The following LRRC37A2 variants were observed in gnomAD, a reference collection of about 807,000 sequenced individuals.
LRRC37A2 encodes leucine-rich repeat-containing protein 37A2.
A neutral mutation model predicts 68.8 loss-of-function variants in LRRC37A2; 9 were observed. That is an observed-to-expected ratio of 0.13 (90% CI 0.08 to 0.23). The LOEUF is 0.23. LRRC37A2 is among the 10% of genes least tolerant of loss of function. The pLI is 1.00. For synonymous variants in LRRC37A2, 63 were observed against 367.6 expected (o/e 0.17, Z 9.48); for missense variants, 168 against 950.4 (o/e 0.18, Z 10.82).
At chr17:46,869,411 C>T in the LRRC37A2 span, among the ~76,000 whole-genome samples, 2 of 152,208 alleles carry the variant, frequency 1.3e-5, no homozygotes, top group Admixed American at 6.5e-5. Flanking sequence ...CTGGGCATCG[C>T]GGACATTGTG....
the LRRC37A2 span, among the ~76,000 whole-genome samples, chr17:46,448,344 G>A: frequency 1.1e-5 from 1 of 89,404 alleles, no homozygotes; most frequent in African/African-American, 4.5e-5. Flanking sequence ...AGAGCAGGGT[G>A]TGTGCTCCCC....
At chr17:47,017,538 G>C in the LRRC37A2 span, 1 of 1,595,034 alleles carries the variant, frequency 6.3e-7, no homozygotes, top group Non-Finnish European at 8.5e-7. Context: ...CTGGGATTCA[G>C]CTGGAGAGCT....
the LRRC37A2 span, among the ~76,000 whole-genome samples, chr17:46,907,800 G>A: frequency 1.3e-5 from 2 of 151,498 alleles, no homozygotes; most frequent in Non-Finnish European, 1.5e-5. Context: ...AGGTTGCAGT[G>A]AGCCATGATC....
At chr17:46,899,841 T>C in the LRRC37A2 span, among the ~76,000 whole-genome samples, 5 of 152,108 alleles carry the variant, frequency 3.3e-5, no homozygotes, top group Non-Finnish European at 5.9e-5. Context: ...TGATTGCTGT[T>C]GTATTTCATT....
the LRRC37A2 span, among the ~76,000 whole-genome samples, chr17:46,860,665 C>T: frequency 6.6e-6 from 1 of 152,164 alleles, no homozygotes; most frequent in African/African-American, 2.4e-5. Flanking sequence ...TGCCTTACAG[C>T]GTCCCACGTT....
the LRRC37A2 span, among the ~76,000 whole-genome samples, chr17:47,029,370 C>A: frequency 1.3e-5 from 2 of 152,122 alleles, no homozygotes; most frequent in African/African-American, 2.4e-5. Context: ...TGCAAAAATT[C>A]TATGATTTCT....
At chr17:46,879,835 C>T in the LRRC37A2 span, among the ~76,000 whole-genome samples, 1 of 152,310 alleles carries the variant, frequency 6.6e-6, no homozygotes, top group East Asian at 1.9e-4. Context: ...GTTGGCACTT[C>T]CCCCAAGTGG....
chr17:46,938,611 A>G, the LRRC37A2 span: 1 of 1,613,942 alleles, frequency 6.2e-7, no homozygotes, highest in South Asian at 1.1e-5. Flanking sequence ...GACTCAGAAG[A>G]AGATCCTTGA....
At chr17:46,778,799 C>T in the LRRC37A2 span, among the ~76,000 whole-genome samples, 5 of 152,050 alleles carry the variant, frequency 3.3e-5, no homozygotes, top group East Asian at 1.9e-4. Flanking sequence ...CTCCACTGCC[C>T]GGCCCCCGGC....
chr17:46,995,240 G>A, the LRRC37A2 span, among the ~76,000 whole-genome samples: 6 of 152,120 alleles, frequency 3.9e-5, no homozygotes, highest in African/African-American at 7.2e-5. Flanking sequence ...ACCCTATGCT[G>A]TCTAAGCCCC....
the LRRC37A2 span, among the ~76,000 whole-genome samples, chr17:46,787,621 C>G: frequency 6.6e-6 from 1 of 152,162 alleles, no homozygotes; most frequent in African/African-American, 2.4e-5. Flanking sequence ...AAGGCTGGGC[C>G]TCATTCAGTA....
chr17:46,929,394 T>C, the LRRC37A2 span: 1 of 707,064 alleles, frequency 1.4e-6, no homozygotes, highest in South Asian at 1.5e-5. Context: ...CACATACAAA[T>C]TTTACAGTTC....
At chr17:46,498,857 G>T in the LRRC37A2 span, among the ~76,000 whole-genome samples, 3 of 150,556 alleles carry the variant, frequency 2.0e-5, no homozygotes, top group East Asian at 3.9e-4. Context: ...AAACACTGCT[G>T]AGACTTTCAA....
At chr17:46,923,573 C>G in the LRRC37A2 span, 1 of 1,306,686 alleles carries the variant, frequency 7.7e-7, no homozygotes. Flanking sequence ...CGAGAGGAGA[C>G]ACGGAGTAGG....
At chr17:47,002,530 A>G in the LRRC37A2 span, among the ~76,000 whole-genome samples, 1 of 152,016 alleles carries the variant, frequency 6.6e-6, no homozygotes, top group Non-Finnish European at 1.5e-5. Flanking sequence ...AGTTGAGATT[A>G]CAGGCACGTG....
At chr17:46,501,529 C>T in the LRRC37A2 span, among the ~76,000 whole-genome samples, 249 of 151,338 alleles carry the variant, frequency 1.6e-3, 21 homozygotes, top group African/African-American at 5.7e-3. Flanking sequence ...AGTCGTCTGC[C>T]GGCTGTTATA....
At chr17:46,938,784 C>T in the LRRC37A2 span, 24 of 1,613,254 alleles carry the variant, frequency 1.5e-5, no homozygotes, top group Non-Finnish European at 1.9e-5. Context: ...AGTGGCTGAA[C>T]AGCATTCCCA....
chr17:46,825,437 A>G, the LRRC37A2 span, among the ~76,000 whole-genome samples: 3 of 152,224 alleles, frequency 2.0e-5, no homozygotes, highest in African/African-American at 7.2e-5. Context: ...CTCATCGCAC[A>G]CATTGACTGC....
chr17:46,821,070 G>A, the LRRC37A2 span: 8 of 152,352 alleles, frequency 5.3e-5, no homozygotes, highest in African/African-American at 1.9e-4. Flanking sequence ...CCTGGGTGCT[G>A]TGGGCAAGAA....
Sources: allele counts gnomAD v4.1 joint callset (sites outside exome capture counted in the v4.1 genomes callset), GRCh38; gene constraint gnomAD v4.1.1; transcripts MANE v1.5; gene names NCBI Gene and HGNC (gene_info 2026-07-23, HGNC 2026-07-21).